TPST1: variants seen among roughly 807,000 people sequenced by gnomAD.
The protein encoded by TPST1 is protein-tyrosine sulfotransferase 1.
TPST1 carries 20 observed loss-of-function variants against 34.8 expected under a neutral mutation model. The observed-to-expected ratio is 0.57, with a 90% CI of 0.40 to 0.84. TPST1 has a LOEUF of 0.84. Ranked by LOEUF, TPST1 falls within the 40% of genes least tolerant of loss-of-function variation. The pLI, the probability that TPST1 is intolerant of heterozygous loss-of-function variation, is 0.00. For synonymous variants in TPST1, 152 were observed against 159.4 expected, an observed-to-expected ratio of 0.95 and a Z score of 0.35; for missense variants, 353 against 455.5, an observed-to-expected ratio of 0.78 and a Z score of 2.05.
chr7:66,343,047 G>A (rs1454888293), intron 3 of TPST1, among the ~76,000 whole-genome samples: 2 of 152,056 alleles, frequency 1.3e-5, no homozygotes, highest in Non-Finnish European at 2.9e-5. Context: ...CAGGCACACA[G>A]GCTCACTAAA....
At chr7:66,306,749 G>A (rs549484124) in intron 3 of TPST1, among the ~76,000 whole-genome samples, 1 of 152,158 alleles carries the variant, frequency 6.6e-6, no homozygotes, top group Admixed American at 6.5e-5. Context: ...TTTCACTCTT[G>A]GTGCCCAGGC....
intron 4 of TPST1, 31 bp downstream of exon 4, chr7:66,352,586 T>TG: frequency 6.2e-7 from 1 of 1,606,752 alleles, no homozygotes; most frequent in Non-Finnish European, 8.5e-7. Flanking sequence ...TCCTGATGTA[T>TG]ACTAGATTGG....
chr7:66,328,880 C>A (rs1471325703), intron 3 of TPST1, among the ~76,000 whole-genome samples: 2 of 30,868 alleles, frequency 6.5e-5, no homozygotes, highest in African/African-American at 3.7e-4. Context: ...CTCTCTCTCT[C>A]TCTCTCTATA....
At chr7:66,340,808 C>T (rs529031929) in intron 3 of TPST1, among the ~76,000 whole-genome samples, 9 of 152,092 alleles carry the variant, frequency 5.9e-5, no homozygotes, top group South Asian at 4.2e-4. Flanking sequence ...TTATGGAGTT[C>T]GAGACCAGCC....
chr7:66,209,257 CAAAATT>C (rs1349910784), intron 1 of TPST1, among the ~76,000 whole-genome samples: 1 of 151,950 alleles, frequency 6.6e-6, no homozygotes, highest in Admixed American at 6.6e-5. Flanking sequence ...GACTCCATCT[CAAAATT>C]AAAGAAAAAA....
intron 2 of TPST1, among the ~76,000 whole-genome samples, chr7:66,275,757 T>C (rs910259865): frequency 6.6e-6 from 1 of 152,146 alleles, no homozygotes; most frequent in African/African-American, 2.4e-5. Flanking sequence ...GATTAAAGGA[T>C]ATAAAATTTC....
intron 2 of TPST1, among the ~76,000 whole-genome samples, chr7:66,257,375 G>A (rs1012764471): frequency 6.6e-5 from 10 of 152,164 alleles, no homozygotes; most frequent in Non-Finnish European, 1.5e-4. Flanking sequence ...GTTTAAAGGA[G>A]GGAAAATAGG....
At chr7:66,244,929 G>A (rs1790117378) in intron 2 of TPST1, among the ~76,000 whole-genome samples, 1 of 152,112 alleles carries the variant, frequency 6.6e-6, no homozygotes, top group Admixed American at 6.6e-5. Context: ...GTAGTGATAA[G>A]TACAAGAGAA....
intron 2 of TPST1, among the ~76,000 whole-genome samples, chr7:66,250,681 G>A (rs1021202338): frequency 6.6e-6 from 1 of 152,066 alleles, no homozygotes; most frequent in Non-Finnish European, 1.5e-5. Flanking sequence ...TTTTTCCTGT[G>A]CATATATACC....
At chr7:66,356,982 G>T in intron 5 of TPST1, 111 bp downstream of exon 5, 2 of 983,608 alleles carry the variant, frequency 2.0e-6, no homozygotes, top group Middle Eastern at 2.6e-4. Flanking sequence ...GCCAGGGTTG[G>T]AATCCTGCCT....
At chr7:66,350,800 C>T (rs1792461688) in intron 3 of TPST1, among the ~76,000 whole-genome samples, 1 of 152,102 alleles carries the variant, frequency 6.6e-6, no homozygotes, top group African/African-American at 2.4e-5. Context: ...ATTGCTTTTC[C>T]ACTCTTCATT....
rs774791796 is a variant in TPST1, at chr7:66,332,718, A to C, written c.1045-19787A>C. ...TGTACTGAACGTGACGGACTTTGTC[A>C]TTATTTCCTAAAAAATACAGGATAA... On this transcript the variant is annotated intron_variant, in intron 3 of 5. Coordinates refer to ENST00000304842, the MANE Select transcript of TPST1 (RefSeq NM_003596.4). The surrounding 1 kb of genome is among the most constrained non-coding windows in gnomAD (Gnocchi z 4.5). Among the ~76,000 whole-genome samples the C allele has an allele frequency of 9.2e-5, 14 of 152,200 alleles. No homozygotes were observed. Among genetic ancestry groups the C allele is most frequent in the Admixed American group, 3.3e-4 (5 of 15,274 alleles).
chr7:66,270,825 G>A (rs769703830), intron 2 of TPST1, among the ~76,000 whole-genome samples: 1 of 152,092 alleles, frequency 6.6e-6, no homozygotes, highest in Non-Finnish European at 1.5e-5. Context: ...CATTATGTGT[G>A]GTTGTCATTT....
intron 1 of TPST1, among the ~76,000 whole-genome samples, chr7:66,235,286 C>T (rs963209559): frequency 2.6e-5 from 4 of 151,016 alleles, no homozygotes; most frequent in African/African-American, 4.9e-5. Context: ...CCCGGGTTCA[C>T]GTCACGCCAT....
At chr7:66,198,877 C>T in the TPST1 span, among the ~76,000 whole-genome samples, 4 of 152,154 alleles carry the variant, frequency 2.6e-5, no homozygotes, top group African/African-American at 9.7e-5. Flanking sequence ...TTTCTTTCTG[C>T]CTTAAATCCC....
At chr7:66,353,383 C>T (rs570179740) in intron 4 of TPST1, among the ~76,000 whole-genome samples, 18 of 152,170 alleles carry the variant, frequency 1.2e-4, no homozygotes, top group Non-Finnish European at 1.5e-4. Flanking sequence ...GCAGGAGGAT[C>T]GCTTGAGCCC....
chr7:66,286,547 C>T lies in TPST1; in HGVS notation c.882C>T (p.Val294=). 4 of 1,602,116 alleles carry T rather than the reference C, an allele frequency of 2.5e-6. No individual in the cohort carries two copies. The highest frequency in any genetic ancestry group is 3.4e-6 in the Non-Finnish European group (4 of 1,173,184). ...CTACAGACCAAGTAATCAAGCCAGT[C>T]AATGTAGGAGCTCTATCAAAATGGG... is the stretch of plus-strand genomic sequence containing the variant. The part of the protein sequence containing the change: ...ERSTDQVIKP[V]NVGALSKWVG... Residue 294 remains valine (V), a synonymous_variant, in exon 3 of 6, where the codon GTC becomes GTT. Transcript: ENST00000304842.
At chr7:66,358,217 T>C (rs1378105804) in intron 5 of TPST1, among the ~76,000 whole-genome samples, 4 of 151,762 alleles carry the variant, frequency 2.6e-5, no homozygotes, top group African/African-American at 7.3e-5. Context: ...CACTGCACTC[T>C]AGCCTGGGTG....
At chr7:66,340,102 G>A (rs1188143931) in intron 3 of TPST1, among the ~76,000 whole-genome samples, 3 of 152,134 alleles carry the variant, frequency 2.0e-5, no homozygotes, top group African/African-American at 7.2e-5. Flanking sequence ...TTGGGAGGCT[G>A]AGGTGAGTGG....
Sources: gnomAD v4.1 joint callset for allele counts (sites outside exome capture counted in the v4.1 genomes callset) on GRCh38, gnomAD v4.1.1 for gene constraint, Gnocchi (gnomAD v3.1) non-coding constraint, MANE v1.5 for transcripts, NCBI Gene and HGNC (gene_info 2026-07-23, HGNC 2026-07-21) for gene names.